Variants in MGP observed in about 807,000 individuals in gnomAD.
MGP encodes the protein matrix Gla protein.
In MGP, 13 loss-of-function variants were observed where a neutral mutation model predicts 14.5. That is an observed-to-expected ratio of 0.89 (90% CI 0.58 to 1.42). The LOEUF (loss-of-function observed/expected upper bound fraction) is 1.42. Ranked by LOEUF, MGP falls within the 40% of genes most tolerant of loss-of-function variation. The pLI is 0.00. For synonymous variants in MGP, 44 were observed against 46.3 expected (o/e 0.95, Z 0.20); for missense variants, 128 against 133.7 (o/e 0.96, Z 0.21).
intron 3 of MGP, among the ~76,000 whole-genome samples, chr12:14,882,528 G>A (rs558838495): frequency 4.6e-5 from 7 of 151,752 alleles, no homozygotes; most frequent in East Asian, 1.9e-4. Context: ...ACAAAACCCC[G>A]TCTCTACAAA....
chr12:14,881,979 T>C lies in MGP; in HGVS notation c.*160A>G, dbSNP rs1053919585. ...CACTGCAGTGCACTTTCATTACTTA[T>C]CAATCTGGGGGCGGGAAAAAGGGGT... On this transcript the variant is annotated 3_prime_UTR_variant, in exon 4 of 4. Transcript: ENST00000539261. 3 of 848,978 alleles carry C rather than the reference T, an allele frequency of 3.5e-6. No homozygotes were observed. Among genetic ancestry groups the C allele is most frequent in the African/African-American group, 1.7e-5 (1 of 59,136 alleles). 52.6% of individuals were successfully genotyped at this position (848,978 alleles called of 1,614,324 possible).
Position 14,880,886 on chromosome 12 carries a change from A to G in MGP, c.*1253T>C, listed in dbSNP as rs931165699. Among the ~76,000 whole-genome samples the G allele has an allele frequency of 2.6e-5, 4 of 152,244 alleles. No individual in the cohort carries two copies. Among genetic ancestry groups the G allele is most frequent in the South Asian group, 2.1e-4 (1 of 4,836 alleles). On this transcript the variant is annotated 3_prime_UTR_variant, in exon 4 of 4. Coordinates refer to ENST00000539261, the MANE Select transcript of MGP (RefSeq NM_000900.5). ...AGCAGCCAGAGATAAAAGATGCAGT[A>G]TACACAGTGGAACAAAGGTAAGAAT...
At position 14,883,154 on chromosome 12, in the gene MGP, A is replaced by G. The variant is rs946619879; in HGVS notation, c.95-107T>C. ...ATTTGAAAGTGCCTTAACTTATGCA[A>G]CTCATATAAACGGAGATTGGCAAAA... is the stretch of plus-strand genomic sequence containing the variant. On this transcript the variant is annotated intron_variant, in intron 2 of 3. Coordinates refer to ENST00000539261, the MANE Select transcript of MGP (RefSeq NM_000900.5). The G allele has an allele frequency of 4.6e-5, 40 of 876,364 alleles. No homozygotes were observed. The African/African-American group carries it at 6.0e-4, about 13-fold the overall frequency. 54.3% of individuals were successfully genotyped at this position (876,364 alleles called of 1,614,324 possible).
chr12:14,881,577 T>A lies in MGP; in HGVS notation c.*562A>T, dbSNP rs539575761. 1 of 154,962 alleles carries A rather than the reference T, an allele frequency of 6.5e-6. No individual in the cohort carries two copies. The highest frequency in any genetic ancestry group is 6.3e-5 in the Admixed American group (1 of 15,822). The allele number at this position is 154,962 out of a possible 1,614,324, so 9.6% of individuals were successfully genotyped here. On this transcript the variant is annotated 3_prime_UTR_variant, in exon 4 of 4. Transcript: ENST00000539261. ...TTTTCCTCCTTTTTTCTCTTCTAGA[T>A]TATCTTGATTCAGAAATGTTTTTGA...
chr12:14,882,234 A>T lies in MGP; in HGVS notation c.217T>A (p.Cys73Ser). The T allele has an allele frequency of 6.2e-7, 1 of 1,614,160 alleles. No individual in the cohort carries two copies. Among genetic ancestry groups the T allele is most frequent in the Non-Finnish European group, 8.5e-7 (1 of 1,180,000 alleles). Residue 73 changes from cysteine to serine, a missense_variant, in exon 4 of 4, where the codon TGT becomes AGT. Coordinates refer to ENST00000539261, the MANE Select transcript of MGP (RefSeq NM_000900.5). ...KPVHELNREACDDYRLCERYA... is the reference protein window; with the variant it reads ...KPVHELNREASDDYRLCERYA... The stretch of plus-strand genomic sequence containing the variant: ...CGTTCGCAAAGTCTGTAGTCATCAC[A>T]GGCTTCCCTATTGAGCTCGTGGACA...
chr12:14,884,657 C>G (rs895928494), intron 1 of MGP, among the ~76,000 whole-genome samples: 2 of 152,132 alleles, frequency 1.3e-5, no homozygotes, highest in South Asian at 4.1e-4. Context: ...TAAGAAGGAT[C>G]CAGAAGACAG....
intron 2 of MGP, 33 bp downstream of exon 2, chr12:14,884,180 G>T: frequency 7.0e-7 from 1 of 1,427,706 alleles, no homozygotes; most frequent in Non-Finnish European, 9.7e-7. Flanking sequence ...TTAATGCAAG[G>T]GATTTGAATA....
At chr12:14,883,267 T>C in intron 2 of MGP, 1 of 505,462 alleles carries the variant, frequency 2.0e-6, no homozygotes, top group East Asian at 3.6e-5. Flanking sequence ...ACTTGTCATA[T>C]AGGCTTTGTT....
In MGP at chr12:14,881,952, C is replaced by T. The variant is rs977191850; in HGVS notation, c.*187G>A. 1.7e-5 allele frequency: 11 copies of T among 666,052 alleles called. No homozygotes were observed. Among genetic ancestry groups the T allele is most frequent in the Non-Finnish European group, 2.9e-5 (11 of 384,062 alleles). The allele number at this position is 666,052 out of a possible 1,614,324, so 41.3% of individuals were successfully genotyped here. A position where few individuals can be genotyped will look rare whatever the true frequency, so the allele number is the denominator to read the frequency against. ...CACATATGTTGACTCTCCTTTGACCCTCACTGCAGTGCACTTTCATTACTT... is the reference window on the plus strand; with the variant it reads ...CACATATGTTGACTCTCCTTTGACCTTCACTGCAGTGCACTTTCATTACTT... On this transcript the variant is annotated 3_prime_UTR_variant, in exon 4 of 4. Transcript: ENST00000539261.
rs368353941 is a variant in MGP at position 14,882,216 on chromosome 12, A to T, written c.235T>A (p.Cys79Ser). 2 of 1,613,966 alleles carry T rather than the reference A, an allele frequency of 1.2e-6. No individual in the cohort carries two copies. The highest frequency in any genetic ancestry group is 1.7e-5 in the Admixed American group (1 of 59,996). ...NREACDDYRL[C>S]ERYAMVYGYN... is the part of the protein sequence containing the mutation. ...CCATAAACCATGGCGTAGCGTTCGC[A>T]AAGTCTGTAGTCATCACAGGCTTCC... Residue 79 changes from cysteine to serine, a missense_variant, in exon 4 of 4, where the codon TGC becomes AGC. Physicochemically the swap from Cys to Ser is moderately radical, Grantham distance 112 (BLOSUM62 -1). Transcript: ENST00000539261.
chr12:14,883,336 AT>A (rs1171751436), intron 2 of MGP: 1 of 394,392 alleles, frequency 2.5e-6, no homozygotes, highest in Non-Finnish European at 4.8e-6. Context: ...TACTTGGTAG[AT>A]TTTAAATTCC....
chr12:14,882,192 C>A lies in MGP; in HGVS notation c.259G>T (p.Gly87Ter), dbSNP rs776122995. Residue 87 changes from glycine (G) to a stop codon, truncating the protein, a stop_gained, in exon 4 of 4, where the codon GGA (glycine) becomes TGA (stop). Transcript: ENST00000539261. LOFTEE classifies it high-confidence loss of function. ...TAGCGATTATAGGCAGCATTGTATCCATAAACCATGGCGTAGCGTTCGCAA... is the reference window on the plus strand; with the variant it reads ...TAGCGATTATAGGCAGCATTGTATCAATAAACCATGGCGTAGCGTTCGCAA... ...RLCERYAMVY[G>*]YNAAYNRYFR... is the part of the protein sequence containing the mutation. The A allele has an allele frequency of 1.2e-6, 2 of 1,614,072 alleles. No individual in the cohort carries two copies. The highest frequency in any genetic ancestry group is 1.7e-6 in the Non-Finnish European group (2 of 1,179,996).
In MGP at chr12:14,882,014, CAAG is replaced by C. The variant is rs1863379254; in HGVS notation, c.*122_*124del. ...GGCGGGAAAAAGGGGTGCAGCCAGA[CAAG>C]AGAATATACAGGAAAGAAGCATTGT... On this transcript the variant is annotated 3_prime_UTR_variant, in exon 4 of 4. Coordinates refer to ENST00000539261, the MANE Select transcript of MGP (RefSeq NM_000900.5). The C allele has an allele frequency of 1.6e-6, 2 of 1,273,898 alleles. No homozygotes were observed. Among genetic ancestry groups the C allele is most frequent in the African/African-American group, 3.0e-5 (2 of 67,630 alleles). The allele number at this position is 1,273,898 out of a possible 1,614,324, so 78.9% of individuals were successfully genotyped here. A position where few individuals can be genotyped will look rare whatever the true frequency, so the allele number is the denominator to read the frequency against.
In MGP at chr12:14,883,032, C is replaced by T. The variant is rs1271963717; in HGVS notation, c.110G>A (p.Arg37Lys). The change falls in exon 3 of 4, where the codon AGG becomes AAG. Residue 37 changes from arginine (R) to lysine (K), a missense_variant. Transcript: ENST00000539261. ...ESYELNPFIN[R>K]RNANTFISPQ... ...GGATATGAAGGTATTTGCATTTCTC[C>T]TGTTAATGAAGGGATCTTAGAACAG... 6.2e-7 allele frequency: 1 copy of T among 1,611,136 alleles called. No individual in the cohort carries two copies. Among genetic ancestry groups the T allele is most frequent in the Non-Finnish European group, 8.5e-7 (1 of 1,177,410 alleles).
At chr12:14,885,689 G>T in intron 1 of MGP, 42 bp downstream of exon 1, 2 of 1,522,340 alleles carry the variant, frequency 1.3e-6, no homozygotes, top group Non-Finnish European at 1.8e-6. Context: ...AAAGTCAGAG[G>T]CAGAAAAGTA....
intron 1 of MGP, among the ~76,000 whole-genome samples, chr12:14,884,451 C>G (rs571201836): frequency 4.7e-4 from 71 of 152,210 alleles, no homozygotes; most frequent in Non-Finnish European, 9.0e-4. Context: ...TAGCTCTGGC[C>G]TTGCTGTGGA....
chr12:14,885,457 C>T (rs2120446526), intron 1 of MGP, among the ~76,000 whole-genome samples: 1 of 152,308 alleles, frequency 6.6e-6, no homozygotes, highest in Non-Finnish European at 1.5e-5. Flanking sequence ...AATTTGGTAT[C>T]TTCTTTCTGA....
At chr12:14,884,168 C>A in intron 2 of MGP, 45 bp downstream of exon 2, 1 of 1,383,856 alleles carries the variant, frequency 7.2e-7, no homozygotes, top group Admixed American at 1.8e-5. Flanking sequence ...AGAAGAGGTT[C>A]TTTAATGCAA....
intron 1 of MGP, among the ~76,000 whole-genome samples, chr12:14,885,253 A>G (rs1863426462): frequency 6.6e-6 from 1 of 152,200 alleles, no homozygotes; most frequent in Admixed American, 6.5e-5. Context: ...TTGATGTAAA[A>G]CTTTATTTTA....
Sources: gnomAD v4.1 joint callset for allele counts (sites outside exome capture counted in the v4.1 genomes callset) on GRCh38, gnomAD v4.1.1 for gene constraint, MANE v1.5 for transcripts, NCBI Gene and HGNC (gene_info 2026-07-23, HGNC 2026-07-21) for gene names.